Variants in ZFPM1 observed in about 807,000 individuals in gnomAD.
ZFPM1 encodes zinc finger protein, FOG family member 1, also known as zinc finger protein ZFPM1.
ZFPM1 carries 28 observed loss-of-function variants against 46.3 expected under a neutral mutation model. That is an observed-to-expected ratio of 0.60 (90% CI 0.45 to 0.83). The LOEUF (loss-of-function observed/expected upper bound fraction) is 0.83. ZFPM1 is among the 40% of genes least tolerant of loss of function. The pLI is 0.00. For missense variants in ZFPM1, 1,878 were observed against 1,432.4 expected (o/e 1.31, Z -5.02); for synonymous variants, 957 against 675.9 (o/e 1.42, Z -6.45).
At chr16:88,503,459 G>A (rs1157306890) in intron 3 of ZFPM1, among the ~76,000 whole-genome samples, 1 of 133,602 alleles carries the variant, frequency 7.5e-6, no homozygotes, top group East Asian at 2.3e-4. Context: ...TGTGTCTGGG[G>A]GGCCCACGGT....
intron 1 of ZFPM1, among the ~76,000 whole-genome samples, chr16:88,464,786 G>A (rs1013337058): frequency 1.3e-5 from 2 of 152,086 alleles, no homozygotes; most frequent in Non-Finnish European, 2.9e-5. Context: ...AAGTTGAACT[G>A]GCCCCATTAC....
chr16:88,482,368 C>T (rs1306027138), intron 1 of ZFPM1, among the ~76,000 whole-genome samples: 3 of 152,148 alleles, frequency 2.0e-5, no homozygotes, highest in South Asian at 2.1e-4. Flanking sequence ...GCATCCACCT[C>T]GACACATCCT....
intron 3 of ZFPM1, among the ~76,000 whole-genome samples, chr16:88,496,348 G>T (rs1464007182): frequency 6.6e-6 from 1 of 152,094 alleles, no homozygotes; most frequent in Non-Finnish European, 1.5e-5. Context: ...ATAGGAGAGG[G>T]AGGGCAGAGT....
chr16:88,491,489 G>A (rs367654932), intron 3 of ZFPM1, among the ~76,000 whole-genome samples: 19 of 152,230 alleles, frequency 1.2e-4, no homozygotes, highest in African/African-American at 3.4e-4. Flanking sequence ...ACCGTCATGC[G>A]GCTGGGAGGT....
At chr16:88,490,121 T>C (rs1909477877) in intron 3 of ZFPM1, among the ~76,000 whole-genome samples, 1 of 151,762 alleles carries the variant, frequency 6.6e-6, no homozygotes, top group South Asian at 2.1e-4. Flanking sequence ...TGGCGCGATC[T>C]CGGCTCACTG....
At chr16:88,452,828 G>GCCCCCC, upstream of ZFPM1, among the ~76,000 whole-genome samples, 1 of 152,320 alleles carries the variant, frequency 6.6e-6, no homozygotes, top group East Asian at 1.9e-4. Flanking sequence ...GAGAGGCGGG[G>GCCCCCC]CGCAGGATGC....
chr16:88,523,706 G>A (rs1475189893), intron 4 of ZFPM1, among the ~76,000 whole-genome samples: 2 of 152,244 alleles, frequency 1.3e-5, no homozygotes, highest in East Asian at 3.8e-4. Context: ...AGGAGCGGCA[G>A]GCCCCTCTGA....
intron 1 of ZFPM1, among the ~76,000 whole-genome samples, chr16:88,466,728 A>G (rs568855392): frequency 3.3e-5 from 5 of 152,126 alleles, no homozygotes; most frequent in Non-Finnish European, 5.9e-5. Flanking sequence ...TCAATATTCT[A>G]AAAGGAAGTC....
At position 88,528,180 on chromosome 16, in the gene ZFPM1, C is replaced by T; in HGVS notation, c.654C>T (p.Leu218=). The part of the protein sequence containing the change: ...EPTCPAPAHD[L]QLLPQQAGMA... ...CGTGCCCGGCCCCTGCACACGACCT[C>T]CAGCTCCTGCCCCAGCAGGCCGGGA... Residue 218 remains leucine, a synonymous_variant, in exon 6 of 10, where the codon CTC becomes CTT. Transcript: ENST00000319555. 1 of 1,610,370 alleles carries T rather than the reference C, an allele frequency of 6.2e-7. No individual in the cohort carries two copies. The highest frequency in any genetic ancestry group is 8.5e-7 in the Non-Finnish European group (1 of 1,179,424).
At chr16:88,473,594 C>G (rs1423011737) in intron 1 of ZFPM1, among the ~76,000 whole-genome samples, 1 of 152,184 alleles carries the variant, frequency 6.6e-6, no homozygotes, top group Non-Finnish European at 1.5e-5. Context: ...AGGGAGCCAG[C>G]TGCCTCCACC....
intron 1 of ZFPM1, among the ~76,000 whole-genome samples, chr16:88,467,234 T>G (rs1375592745): frequency 6.6e-6 from 1 of 152,126 alleles, no homozygotes; most frequent in Non-Finnish European, 1.5e-5. Flanking sequence ...GTTGCCACAG[T>G]CACCCAGACC....
Position 88,534,421 on chromosome 16 carries a change from C to A in ZFPM1, c.2463C>A (p.Ala821=). 1.3e-6 allele frequency: 2 copies of A among 1,492,706 alleles called. No individual in the cohort carries two copies. Among genetic ancestry groups the A allele is most frequent in the Non-Finnish European group, 1.8e-6 (2 of 1,128,432 alleles). The allele number at this position is 1,492,706 out of a possible 1,614,324, so 92.5% of individuals were successfully genotyped here. The stretch of plus-strand genomic sequence containing the variant: ...TGGCCGACTACCACGAGTGCACGGC[C>A]TGCCGCGTGAGCTTCCACAGCCTCG... ...PALADYHECT[A]CRVSFHSLEA... Residue 821 remains alanine (A), a synonymous_variant, in exon 10 of 10, where the codon GCC becomes GCA. Coordinates refer to ENST00000319555, the MANE Select transcript of ZFPM1 (RefSeq NM_153813.3).
intron 7 of ZFPM1, 71 bp from the exon 8 acceptor site, chr16:88,532,543 C>A (rs1912873090): frequency 6.8e-7 from 1 of 1,474,300 alleles, no homozygotes; most frequent in Admixed American, 2.0e-5. Context: ...TGGGCCCAGT[C>A]GCCTTCCTCA....
intron 3 of ZFPM1, among the ~76,000 whole-genome samples, chr16:88,495,084 G>C (rs1214810152): frequency 6.6e-6 from 1 of 152,226 alleles, no homozygotes; most frequent in African/African-American, 2.4e-5. Context: ...GTGGGATGTG[G>C]GGCTGAGTCC....
At chr16:88,455,999 T>C (rs1907542203) in intron 1 of ZFPM1, among the ~76,000 whole-genome samples, 2 of 152,162 alleles carry the variant, frequency 1.3e-5, no homozygotes, top group South Asian at 4.1e-4. Flanking sequence ...GCCTTATCTT[T>C]GGCCACCAGG....
Position 88,532,835 on chromosome 16 carries a change from C to T in ZFPM1, c.1089C>T (p.Leu363=). 4 of 1,613,422 alleles carry T rather than the reference C, an allele frequency of 2.5e-6. No homozygotes were observed. Among genetic ancestry groups the T allele is most frequent in the Non-Finnish European group, 3.4e-6 (4 of 1,179,976 alleles). Residue 363 remains leucine, a synonymous_variant, in exon 9 of 10, where the codon CTC becomes CTT. Transcript: ENST00000319555. ...TCATCTCCACCACAAGGGACATCCT[C>T]TACAGCCACTTGGTCACCAACCACA... is the stretch of plus-strand genomic sequence containing the variant. ...CGFISTTRDI[L]YSHLVTNHMV...
At chr16:88,459,073 A>C (rs770045208) in intron 1 of ZFPM1, among the ~76,000 whole-genome samples, 3 of 152,206 alleles carry the variant, frequency 2.0e-5, no homozygotes, top group Non-Finnish European at 2.9e-5. Flanking sequence ...GCCTGTGTGC[A>C]AGTCGAGACT....
chr16:88,479,284 C>T (rs1017697189), intron 1 of ZFPM1, among the ~76,000 whole-genome samples: 5 of 152,120 alleles, frequency 3.3e-5, no homozygotes, highest in African/African-American at 1.2e-4. Flanking sequence ...GCTCTCTGTG[C>T]TTCGGTTTCC....
At position 88,532,284 on chromosome 16, in the gene ZFPM1, C is replaced by T. The variant is rs750717841; in HGVS notation, c.946+49C>T. 5 of 1,513,716 alleles carry T rather than the reference C, an allele frequency of 3.3e-6. No individual in the cohort carries two copies. The South Asian group carries it at 3.7e-5, about 11-fold the overall frequency. The allele number at this position is 1,513,716 out of a possible 1,614,324, so 93.8% of individuals were successfully genotyped here. ...GTCCTCAGGATGCCGGCTGCTTCCCCACCCAGTCCCGCAGGCCGCCCGGGA... is the reference window on the plus strand; with the variant it reads ...GTCCTCAGGATGCCGGCTGCTTCCCTACCCAGTCCCGCAGGCCGCCCGGGA... On this transcript the variant is annotated intron_variant, in intron 7 of 9. Coordinates refer to ENST00000319555, the MANE Select transcript of ZFPM1 (RefSeq NM_153813.3).
Sources: allele counts gnomAD v4.1 joint callset (sites outside exome capture counted in the v4.1 genomes callset), GRCh38; gene constraint gnomAD v4.1.1; transcripts MANE v1.5; gene names NCBI Gene and HGNC (gene_info 2026-07-23, HGNC 2026-07-21).